Variants in GPM6A observed in about 807,000 individuals in gnomAD.
GPM6A encodes the protein neuronal membrane glycoprotein M6-a.
In GPM6A, 7 loss-of-function variants were observed where a neutral mutation model predicts 32.1. That is an observed-to-expected ratio of 0.22 (90% CI 0.12 to 0.41). The LOEUF (loss-of-function observed/expected upper bound fraction) is 0.41. Ranked by LOEUF, GPM6A falls within the 10% of genes least tolerant of loss-of-function variation. GPM6A has a pLI of 1.00. For synonymous variants in GPM6A, 130 were observed against 123.4 expected (o/e 1.05, Z -0.35); for missense variants, 235 against 347.2 (o/e 0.68, Z 2.57).
chr4:175,971,280 A>G (rs911787295), intron 1 of GPM6A, among the ~76,000 whole-genome samples: 3 of 146,312 alleles, frequency 2.1e-5, no homozygotes, highest in Non-Finnish European at 4.5e-5. Flanking sequence ...GAAAAAAAAA[A>G]AAAAAAATTC....
chr4:175,886,425 A>G (rs1202036572), intron 1 of GPM6A, among the ~76,000 whole-genome samples: 7 of 152,180 alleles, frequency 4.6e-5, no homozygotes, highest in Admixed American at 4.6e-4. Flanking sequence ...CTTTCAAGAA[A>G]GAGTGTGAAA....
At chr4:175,650,136 C>T (rs1438417337) in intron 4 of GPM6A, among the ~76,000 whole-genome samples, 2 of 151,980 alleles carry the variant, frequency 1.3e-5, no homozygotes, top group Non-Finnish European at 1.5e-5. Flanking sequence ...AGAACGTCAC[C>T]CATAGAGCAT....
At chr4:175,644,805 G>A (rs1440481209) in intron 4 of GPM6A, among the ~76,000 whole-genome samples, 2 of 152,144 alleles carry the variant, frequency 1.3e-5, no homozygotes, top group African/African-American at 4.8e-5. Flanking sequence ...TAGGAGAAAA[G>A]GCAAGTTATA....
chr4:175,977,941 C>T (rs1159626866), intron 1 of GPM6A, among the ~76,000 whole-genome samples: 1 of 152,188 alleles, frequency 6.6e-6, no homozygotes, highest in South Asian at 2.1e-4. Context: ...ACTTAACCCT[C>T]CAAATACTAT....
chr4:175,638,480 T>C (rs181211515), intron 6 of GPM6A, among the ~76,000 whole-genome samples: 1 of 152,238 alleles, frequency 6.6e-6, no homozygotes, highest in Non-Finnish European at 1.5e-5. Context: ...AATGTACGTA[T>C]AGCTTTAAGT....
chr4:175,724,531 T>G (rs944296425), intron 1 of GPM6A, among the ~76,000 whole-genome samples: 4 of 152,008 alleles, frequency 2.6e-5, no homozygotes, highest in African/African-American at 9.7e-5. Flanking sequence ...GAGGACAGAG[T>G]GAGATTCCAT....
chr4:175,831,333 T>C (rs1157474897), intron 1 of GPM6A, among the ~76,000 whole-genome samples: 1 of 152,186 alleles, frequency 6.6e-6, no homozygotes, highest in Admixed American at 6.5e-5. Context: ...GTGCTCTGCT[T>C]ATTGTAACAT....
intron 1 of GPM6A, among the ~76,000 whole-genome samples, chr4:175,782,240 G>A (rs1733639182): frequency 2.0e-5 from 3 of 152,058 alleles, no homozygotes; most frequent in Admixed American, 1.3e-4. Flanking sequence ...TAAACAAGGA[G>A]AATATCTCTG....
intron 1 of GPM6A, among the ~76,000 whole-genome samples, chr4:175,846,435 G>A (rs947859999): frequency 1.3e-5 from 2 of 152,052 alleles, no homozygotes; most frequent in African/African-American, 4.8e-5. Context: ...ATAGAGAGAA[G>A]TCCCCAGAGT....
chr4:175,799,296 A>G (rs1426785267), intron 1 of GPM6A, among the ~76,000 whole-genome samples: 1 of 152,106 alleles, frequency 6.6e-6, no homozygotes, highest in African/African-American at 2.4e-5. Context: ...GCCAAAAAAT[A>G]CATGCAGTTC....
At chr4:175,724,821 T>G (rs895659843) in intron 1 of GPM6A, among the ~76,000 whole-genome samples, 2 of 152,086 alleles carry the variant, frequency 1.3e-5, no homozygotes, top group East Asian at 1.9e-4. Flanking sequence ...TACAACAGAT[T>G]GCCAAGACCG....
chr4:175,671,888 A>T (rs1579367012), intron 3 of GPM6A, among the ~76,000 whole-genome samples: 1 of 146,898 alleles, frequency 6.8e-6, no homozygotes, highest in Non-Finnish European at 1.5e-5. Flanking sequence ...CTGGGCTGAC[A>T]CCCTGCTGCA....
At chr4:175,904,418 C>T (rs1738061180) in intron 1 of GPM6A, among the ~76,000 whole-genome samples, 1 of 152,064 alleles carries the variant, frequency 6.6e-6, no homozygotes, top group South Asian at 2.1e-4. Context: ...ACACATGTGT[C>T]TACATACATA....
At chr4:175,877,062 A>G (rs17052287) in intron 1 of GPM6A, among the ~76,000 whole-genome samples, 3,874 of 152,202 alleles carry the variant, frequency 0.025, 158 homozygotes, top group African/African-American at 0.087. Flanking sequence ...GAAGAAATAC[A>G]CCTGATGATT....
intron 1 of GPM6A, among the ~76,000 whole-genome samples, chr4:175,978,242 C>A (rs1465346916): frequency 6.6e-6 from 1 of 152,156 alleles, no homozygotes; most frequent in African/African-American, 2.4e-5. Context: ...CAGGCACCTT[C>A]TTCACGAGGA....
intron 3 of GPM6A, among the ~76,000 whole-genome samples, chr4:175,662,023 A>T (rs186105404): frequency 8.7e-4 from 132 of 152,194 alleles, no homozygotes; most frequent in South Asian, 1.7e-3. Flanking sequence ...AAATTTTTTT[A>T]AAAAAAATTA....
At chr4:175,665,074 C>A (rs376563461) in intron 3 of GPM6A, among the ~76,000 whole-genome samples, 1 of 152,104 alleles carries the variant, frequency 6.6e-6, no homozygotes, top group African/African-American at 2.4e-5. Context: ...CCTACAGGAC[C>A]ACCCTCTGAC....
intron 1 of GPM6A, among the ~76,000 whole-genome samples, chr4:175,868,976 C>T (rs1237583278): frequency 6.6e-6 from 1 of 152,138 alleles, no homozygotes; most frequent in African/African-American, 2.4e-5. Flanking sequence ...TACACTAATT[C>T]CTAGGTACCT....
intron 1 of GPM6A, among the ~76,000 whole-genome samples, chr4:175,742,112 A>T (rs1731909894): frequency 6.6e-6 from 1 of 152,174 alleles, no homozygotes; most frequent in Non-Finnish European, 1.5e-5. Flanking sequence ...GGAAAAAAAT[A>T]TTAAACTTTT....
Sources: gnomAD v4.1 joint callset for allele counts (sites outside exome capture counted in the v4.1 genomes callset) on GRCh38, gnomAD v4.1.1 for gene constraint, MANE v1.5 for transcripts, NCBI Gene and HGNC (gene_info 2026-07-23, HGNC 2026-07-21) for gene names.